Variants in SHISA6 observed in about 807,000 individuals in gnomAD.
The protein encoded by SHISA6 is shisa family member 6.
A neutral mutation model predicts 47.9 loss-of-function variants in SHISA6; 22 were observed. That is an observed-to-expected ratio of 0.46 (90% confidence interval 0.33 to 0.66). The LOEUF (loss-of-function observed/expected upper bound fraction) is 0.66, where lower values mean the gene tolerates loss of function less well. Ranked by LOEUF, SHISA6 falls within the 30% of genes least tolerant of loss-of-function variation. The pLI is 0.02. For synonymous variants in SHISA6, 388 were observed against 337.8 expected (o/e 1.15, Z -1.63); for missense variants, 680 against 764.6 (o/e 0.89, Z 1.30).
At chr17:11,364,555 A>G (rs73975314) in intron 2 of SHISA6, among the ~76,000 whole-genome samples, 3,358 of 152,292 alleles carry the variant, frequency 0.022, 105 homozygotes, top group African/African-American at 0.067. Context: ...ATAAGTATTT[A>G]TGTGGTATAT....
At chr17:11,447,876 G>A (rs930628180) in intron 3 of SHISA6, among the ~76,000 whole-genome samples, 1 of 152,204 alleles carries the variant, frequency 6.6e-6, no homozygotes, top group African/African-American at 2.4e-5. Flanking sequence ...GGGCTTATAA[G>A]CCAGTGGAAG....
intron 3 of SHISA6, among the ~76,000 whole-genome samples, chr17:11,439,381 T>C (rs1209008875): frequency 1.3e-5 from 2 of 152,258 alleles, no homozygotes; most frequent in South Asian, 4.1e-4. Context: ...GCACTCAGCC[T>C]TCCCCCAAGC....
intron 2 of SHISA6, among the ~76,000 whole-genome samples, chr17:11,287,212 A>AAAAG (rs566434392): frequency 6.3e-4 from 95 of 150,404 alleles, no homozygotes; most frequent in Middle Eastern, 3.5e-3. Context: ...GTGTGTAATG[A>AAAAG]AAAGAAAGAA....
At chr17:11,318,937 C>T (rs753982154) in intron 2 of SHISA6, among the ~76,000 whole-genome samples, 4 of 152,084 alleles carry the variant, frequency 2.6e-5, no homozygotes, top group Non-Finnish European at 5.9e-5. Flanking sequence ...TAACTTTTCT[C>T]TCATAATTTG....
chr17:11,545,368 T>C (rs1209653530), intron 3 of SHISA6, among the ~76,000 whole-genome samples: 1 of 152,130 alleles, frequency 6.6e-6, no homozygotes, highest in Non-Finnish European at 1.5e-5. Flanking sequence ...GATTTATTGG[T>C]TGCCAGGCAT....
intron 2 of SHISA6, among the ~76,000 whole-genome samples, chr17:11,303,824 G>A (rs1252409100): frequency 6.6e-6 from 1 of 152,192 alleles, no homozygotes; most frequent in Non-Finnish European, 1.5e-5. Flanking sequence ...GCTGAGTTGG[G>A]GGTAAATGTG....
chr17:11,319,798 G>A (rs1277766394), intron 2 of SHISA6, among the ~76,000 whole-genome samples: 2 of 152,250 alleles, frequency 1.3e-5, no homozygotes, highest in East Asian at 3.8e-4. Context: ...AGTCATTGGA[G>A]ACAGACATGA....
intron 2 of SHISA6, among the ~76,000 whole-genome samples, chr17:11,335,502 C>A (rs1034490841): frequency 6.6e-6 from 1 of 152,146 alleles, no homozygotes; most frequent in Non-Finnish European, 1.5e-5. Flanking sequence ...AACTGAGGCA[C>A]CAGCACAGCC....
At chr17:11,348,992 C>T (rs1911786487) in intron 2 of SHISA6, among the ~76,000 whole-genome samples, 1 of 152,180 alleles carries the variant, frequency 6.6e-6, no homozygotes, top group Non-Finnish European at 1.5e-5. Context: ...ATAGGCGTAG[C>T]TCCTACAGCT....
At chr17:11,475,149 T>G (rs1916023058) in intron 3 of SHISA6, among the ~76,000 whole-genome samples, 1 of 152,190 alleles carries the variant, frequency 6.6e-6, no homozygotes, top group African/African-American at 2.4e-5. Flanking sequence ...CCTGCAGCCT[T>G]GTTATAATCA....
At chr17:11,462,646 G>A (rs62062114) in intron 3 of SHISA6, among the ~76,000 whole-genome samples, 40,406 of 151,846 alleles carry the variant, frequency 0.27, 5,551 homozygotes, top group Middle Eastern at 0.37. Context: ...TTTGAGACAG[G>A]GTCTCACTCT....
At chr17:11,244,795 A>G (rs1036027752) in intron 1 of SHISA6, among the ~76,000 whole-genome samples, 7 of 152,222 alleles carry the variant, frequency 4.6e-5, no homozygotes, top group African/African-American at 1.7e-4. Context: ...CTTTCTGAAC[A>G]AGAAAGACAA....
intron 3 of SHISA6, among the ~76,000 whole-genome samples, chr17:11,483,240 G>A (rs1393564456): frequency 6.6e-6 from 1 of 151,696 alleles, no homozygotes; most frequent in East Asian, 1.9e-4. Context: ...GGCGGAGGTT[G>A]CAGTAAGCCA....
At position 11,262,640 on chromosome 17, in the gene SHISA6, T is replaced by C. The variant is rs182752114; in HGVS notation, c.639-726T>C. 2.1e-3 allele frequency among the ~76,000 whole-genome samples: 316 copies of C among 152,348 alleles called. 2 individuals are homozygous for C. Among genetic ancestry groups the C allele is most frequent in the Middle Eastern group, 0.014 (4 of 294 alleles). On this transcript the variant is annotated intron_variant, in intron 1 of 5. Coordinates refer to ENST00000441885, the MANE Select transcript of SHISA6 (RefSeq NM_207386.4). ...ATGTTTGGTTGTTGAAGCTAGGCGCTGAGTTAACAAAAGCTGCTTTCTCTG... is the reference window on the plus strand; with the variant it reads ...ATGTTTGGTTGTTGAAGCTAGGCGCCGAGTTAACAAAAGCTGCTTTCTCTG...
chr17:11,433,666 A>T (rs1914854106), intron 3 of SHISA6, among the ~76,000 whole-genome samples: 1 of 152,130 alleles, frequency 6.6e-6, no homozygotes, highest in Non-Finnish European at 1.5e-5. Flanking sequence ...TATATTTTTT[A>T]AAAAGTTTAC....
intron 2 of SHISA6, among the ~76,000 whole-genome samples, chr17:11,351,164 A>T (rs1911877871): frequency 6.6e-6 from 1 of 152,128 alleles, no homozygotes; most frequent in African/African-American, 2.4e-5. Context: ...AAGGGGAAGG[A>T]GAGCATTAAG....
At chr17:11,530,606 A>G (rs1343191481) in intron 3 of SHISA6, among the ~76,000 whole-genome samples, 3 of 152,208 alleles carry the variant, frequency 2.0e-5, no homozygotes, top group Non-Finnish European at 4.4e-5. Flanking sequence ...TGAGCAGAGA[A>G]ATGGCATGCT....
At chr17:11,488,280 C>G (rs1312932176) in intron 3 of SHISA6, among the ~76,000 whole-genome samples, 1 of 152,154 alleles carries the variant, frequency 6.6e-6, no homozygotes, top group African/African-American at 2.4e-5. Context: ...AATCATCACA[C>G]TCACTGGTAT....
chr17:11,434,594 T>G (rs1914883584), intron 3 of SHISA6, among the ~76,000 whole-genome samples: 1 of 152,204 alleles, frequency 6.6e-6, no homozygotes, highest in Admixed American at 6.5e-5. Context: ...TTTAGACAAA[T>G]TCTTTTTTAG....
Sources: gnomAD v4.1 joint callset for allele counts (sites outside exome capture counted in the v4.1 genomes callset) on GRCh38, gnomAD v4.1.1 for gene constraint, MANE v1.5 for transcripts, NCBI Gene and HGNC (gene_info 2026-07-23, HGNC 2026-07-21) for gene names.